BPIFC: variants seen among roughly 807,000 people sequenced by gnomAD.
BPIFC encodes the protein BPI fold containing family C.
Under a neutral mutation model 57.6 loss-of-function variants are expected in BPIFC, and 60 were observed. The observed-to-expected ratio is 1.04, with a 90% confidence interval of 0.85 to 1.29. The LOEUF is 1.29. Ranked by LOEUF, BPIFC falls within the 50% of genes most tolerant of loss-of-function variation. The probability of loss-of-function intolerance (pLI) is 0.00; values close to 1 mark genes in which losing one functional copy is unlikely to be tolerated. For missense variants in BPIFC, 581 were observed against 600.5 expected (o/e 0.97, Z 0.34); for synonymous variants, 243 against 224.5 (o/e 1.08, Z -0.74).
rs566569617 is a variant in BPIFC, at chr22:32,427,947, A to T, written c.1217+3400T>A. On this transcript the variant is annotated intron_variant, in intron 13 of 16. Transcript: ENST00000300399. ...GGTTGCAGTAAGCCCAGATCGTGCC[A>T]CTGCACTCCAGCCTGGGTGACAGAG... Among the ~76,000 whole-genome samples, 6 of 152,308 alleles carry T rather than the reference A, an allele frequency of 3.9e-5. No homozygotes were observed. In the South Asian group the frequency reaches 1.2e-3, roughly 32 times the overall value.
chr22:32,453,580 C>T, intron 3 of BPIFC, 77 bp from the exon 4 acceptor site: 1 of 1,452,156 alleles, frequency 6.9e-7, no homozygotes, highest in Non-Finnish European at 9.1e-7. Flanking sequence ...CACACAAATA[C>T]AATTTATTGA....
Position 32,435,721 on chromosome 22 carries a change from T to A in BPIFC, c.907A>T (p.Thr303Ser). The change falls in exon 10 of 17, where the codon ACT (threonine) becomes TCT (serine). Residue 303 changes from threonine (T) to serine (S), a missense_variant. Transcript: ENST00000300399. ...CTCCTCACCTCTTCGGTGGAGAGAG[T>A]GACATTGAAAACCCCAGCTGTGAAA... is the stretch of plus-strand genomic sequence containing the variant. ...AHFTAGVFNV[T>S]LSTEEISNHF... 6.2e-7 allele frequency: 1 copy of A among 1,613,612 alleles called. No homozygotes were observed. Among genetic ancestry groups the A allele is most frequent in the African/African-American group, 1.3e-5 (1 of 74,912 alleles).
At chr22:32,453,327 T>C in intron 4 of BPIFC, 56 bp downstream of exon 4, 1 of 1,262,268 alleles carries the variant, frequency 7.9e-7, no homozygotes, top group African/African-American at 1.5e-5. Flanking sequence ...ATAGAATTCC[T>C]CCACTGTTTC....
At chr22:32,437,525 G>A (rs114522460) in intron 9 of BPIFC, among the ~76,000 whole-genome samples, 52 of 152,178 alleles carry the variant, frequency 3.4e-4, no homozygotes, top group African/African-American at 1.3e-3. Context: ...CAAACAGCTG[G>A]GAATGCAGCT....
rs184348745 is a variant in BPIFC at position 32,460,596 on chromosome 22, T to C, written c.-1+978A>G. ...ACTGAACTACTGGTCCCTAAACACA[T>C]GCCACGTTTTCTGCCTAATGCTATT... On this transcript the variant is annotated intron_variant, in intron 2 of 16. Coordinates refer to ENST00000300399, the MANE Select transcript of BPIFC (RefSeq NM_174932.3). 7.2e-3 allele frequency among the ~76,000 whole-genome samples: 1,090 copies of C among 152,314 alleles called. 3 individuals carry two copies. Among genetic ancestry groups the C allele is most frequent in the Non-Finnish European group, 0.012 (830 of 68,026 alleles).
intron 15 of BPIFC, 132 bp downstream of exon 15, chr22:32,416,953 C>A (rs1601439294): frequency 2.2e-6 from 2 of 896,584 alleles, no homozygotes; most frequent in Non-Finnish European, 3.8e-6. Flanking sequence ...CTGACGCTGG[C>A]CTGGATTCAT....
Position 32,420,544 on chromosome 22 carries a change from A to C in BPIFC, c.1218-1140T>G, listed in dbSNP as rs552714578. On this transcript the variant is annotated intron_variant, in intron 13 of 16. Coordinates refer to ENST00000300399, the MANE Select transcript of BPIFC (RefSeq NM_174932.3). ...GAAAGCTATCTGATGTGAAAGGTACAGTATAATTGTTAGTAACCCCATTTC... is the reference window on the plus strand; with the variant it reads ...GAAAGCTATCTGATGTGAAAGGTACCGTATAATTGTTAGTAACCCCATTTC... 1.1e-4 allele frequency among the ~76,000 whole-genome samples: 16 copies of C among 152,332 alleles called. 1 individual carries two copies. In the South Asian group the frequency reaches 3.1e-3, roughly 30 times the overall value.
At chr22:32,435,552 C>T in intron 10 of BPIFC, 152 bp downstream of exon 10, 1 of 757,950 alleles carries the variant, frequency 1.3e-6, no homozygotes, top group African/African-American at 1.8e-5. Flanking sequence ...AATGTTCACT[C>T]CACAATTCCC....
At chr22:32,450,865 G>A (rs943911287) in intron 4 of BPIFC, among the ~76,000 whole-genome samples, 6 of 152,184 alleles carry the variant, frequency 3.9e-5, no homozygotes, top group African/African-American at 1.4e-4. Flanking sequence ...CTTGTTCCAA[G>A]CATTTTGGAT....
chr22:32,463,736 G>A (rs901089771), intron 1 of BPIFC, among the ~76,000 whole-genome samples: 10 of 152,142 alleles, frequency 6.6e-5, no homozygotes, highest in East Asian at 1.9e-4. Flanking sequence ...AGTCTAAATC[G>A]ACAGGTATGG....
At chr22:32,431,040 A>G (rs946183219) in intron 13 of BPIFC, among the ~76,000 whole-genome samples, 7 of 152,164 alleles carry the variant, frequency 4.6e-5, no homozygotes, top group African/African-American at 1.7e-4. Flanking sequence ...TTTTTAGTAA[A>G]GTACATACTT....
At chr22:32,454,626 C>T (rs1934988866) in intron 3 of BPIFC, among the ~76,000 whole-genome samples, 1 of 152,180 alleles carries the variant, frequency 6.6e-6, no homozygotes, top group Non-Finnish European at 1.5e-5. Flanking sequence ...CCTTTATCCC[C>T]TTATTTTGCA....
chr22:32,430,290 G>A (rs5754081), intron 13 of BPIFC, among the ~76,000 whole-genome samples: 1 of 152,004 alleles, frequency 6.6e-6, no homozygotes, highest in East Asian at 1.9e-4. Context: ...TTAACAGACT[G>A]GATCACAGTC....
intron 16 of BPIFC, 124 bp from the exon 17 acceptor site, chr22:32,414,549 T>C: frequency 8.2e-7 from 1 of 1,226,496 alleles, no homozygotes; most frequent in Non-Finnish European, 1.1e-6. Flanking sequence ...TCTCAAAGGC[T>C]GTCGCCCAGG....
intron 16 of BPIFC, among the ~76,000 whole-genome samples, chr22:32,415,292 C>T (rs1434479136): frequency 6.6e-6 from 1 of 152,216 alleles, no homozygotes. Context: ...CAGACCGGGA[C>T]AGGTCCTGGG....
intron 7 of BPIFC, among the ~76,000 whole-genome samples, chr22:32,443,348 A>G (rs1934624073): frequency 6.6e-6 from 1 of 152,078 alleles, no homozygotes; most frequent in Non-Finnish European, 1.5e-5. Context: ...TATTTTTAGT[A>G]GAGACGGGGT....
chr22:32,454,236 T>G (rs1351114235), intron 3 of BPIFC, among the ~76,000 whole-genome samples: 1 of 152,188 alleles, frequency 6.6e-6, no homozygotes, highest in Non-Finnish European at 1.5e-5. Flanking sequence ...TCCACACTCT[T>G]TTTTCCTTTC....
chr22:32,437,002 G>A (rs1268033106), intron 9 of BPIFC, among the ~76,000 whole-genome samples: 1 of 152,198 alleles, frequency 6.6e-6, no homozygotes, highest in East Asian at 1.9e-4. Context: ...GTTTTTCCAT[G>A]ATCAGTGAAC....
In BPIFC at chr22:32,424,665, CT is replaced by C. The variant is rs1349375091; in HGVS notation, c.1218-5262del. Among the ~76,000 whole-genome samples, 2 of 70,738 alleles carry C rather than the reference CT, an allele frequency of 2.8e-5. 1 individual carries two copies. Among genetic ancestry groups the C allele is most frequent in the African/African-American group, 1.7e-4 (2 of 11,740 alleles). The allele number at this position is 70,738 out of a possible 152,430, so 46.4% of individuals were successfully genotyped here. Reference sequence around the variant, plus strand: ...TTCTCTTCTTCTTCTTCTTCTTCTTCTTCTTCTTCTTCTTCTTCTTCTTCTT... The same window carrying C: ...TTCTCTTCTTCTTCTTCTTCTTCTTCTCTTCTTCTTCTTCTTCTTCTTCTT... On this transcript the variant is annotated intron_variant, in intron 13 of 16. Transcript: ENST00000300399.
Sources: allele counts gnomAD v4.1 joint callset (sites outside exome capture counted in the v4.1 genomes callset), GRCh38; gene constraint gnomAD v4.1.1; transcripts MANE v1.5; gene names NCBI Gene and HGNC (gene_info 2026-07-23, HGNC 2026-07-21).